LBR: variants seen among roughly 807,000 people sequenced by gnomAD.
The protein encoded by LBR is delta(14)-sterol reductase LBR.
Under a neutral mutation model 74.3 loss-of-function variants are expected in LBR, and 28 were observed. That is an observed-to-expected ratio of 0.38 (90% CI 0.28 to 0.52). LBR has a LOEUF of 0.52. Among genes scored for constraint, LBR ranks in the 20% least tolerant of loss-of-function variants. The pLI is 0.89. For synonymous variants in LBR, 228 were observed against 269.3 expected (o/e 0.85, Z 1.50); for missense variants, 717 against 760.3 (o/e 0.94, Z 0.67).
In LBR at chr1:225,410,276, C is replaced by T. The variant is rs1223055069; in HGVS notation, c.1314+15G>A. 4 of 1,613,882 alleles carry T rather than the reference C, an allele frequency of 2.5e-6. No individual in the cohort carries two copies. The highest frequency in any genetic ancestry group is 3.4e-6 in the Non-Finnish European group (4 of 1,179,902). On this transcript the variant is annotated intron_variant, in intron 10 of 13. Coordinates refer to ENST00000272163, the MANE Select transcript of LBR (RefSeq NM_002296.4). ...GCCATCTGACTCCAAGGCCTCGGCT[C>T]TTAAAATTAATTACCTCATTCCAGA... is the stretch of plus-strand genomic sequence containing the variant.
At chr1:225,407,400 G>A (rs1227705600) in intron 10 of LBR, among the ~76,000 whole-genome samples, 1 of 152,200 alleles carries the variant, frequency 6.6e-6, no homozygotes, top group Non-Finnish European at 1.5e-5. Flanking sequence ...AATTCCACAT[G>A]GACCAATCTA....
At chr1:225,417,635 C>T in intron 6 of LBR, 1 of 214,058 alleles carries the variant, frequency 4.7e-6, no homozygotes, top group Non-Finnish European at 9.5e-6. Flanking sequence ...TAGCAACCTC[C>T]ACTGAGAGTC....
At position 225,419,805 on chromosome 1, in the gene LBR, T is replaced by A. The variant is rs144956313; in HGVS notation, c.367-7A>T. 3.2e-5 allele frequency: 51 copies of A among 1,571,308 alleles called. No homozygotes were observed. In the East Asian group the frequency reaches 1.1e-3, roughly 32 times the overall value. On this transcript the variant is annotated splice_polypyrimidine_tract_variant and splice_region_variant and intron_variant, in intron 3 of 13. Transcript: ENST00000272163. The stretch of plus-strand genomic sequence containing the variant: ...TGCTATTTCCAAATGGCTTCTAAAT[T>A]GAAGAATATAAACATTTAATCAAAA...
intron 2 of LBR, 119 bp from the exon 3 acceptor site, chr1:225,422,396 G>C (rs748408707): frequency 1.2e-6 from 1 of 810,394 alleles, no homozygotes; most frequent in East Asian, 2.7e-5. Flanking sequence ...AAATCAGCAC[G>C]GGAAATGTTA....
At chr1:225,416,819 T>C (rs1242186505) in intron 6 of LBR, among the ~76,000 whole-genome samples, 1 of 152,206 alleles carries the variant, frequency 6.6e-6, no homozygotes, top group African/African-American at 2.4e-5. Context: ...TTACGTTGTA[T>C]TAGGTATTAT....
chr1:225,403,965 C>T lies in LBR; in HGVS notation c.1687+439G>A, dbSNP rs1018835909. Among the ~76,000 whole-genome samples the T allele has an allele frequency of 2.7e-5, 4 of 150,424 alleles. No homozygotes were observed. The Admixed American group carries it at 2.7e-4, about 10-fold the overall frequency. On this transcript the variant is annotated intron_variant, in intron 13 of 13. Coordinates refer to ENST00000272163, the MANE Select transcript of LBR (RefSeq NM_002296.4). Reference sequence around the variant, plus strand: ...AGTACCTCCAGCTCCCCCTGACACCCCAGCTCCCCAAGCACCTCCAGCTCC... The same window carrying T: ...AGTACCTCCAGCTCCCCCTGACACCTCAGCTCCCCAAGCACCTCCAGCTCC...
chr1:225,421,840 C>T (rs902787046), intron 3 of LBR, among the ~76,000 whole-genome samples: 32 of 152,154 alleles, frequency 2.1e-4, no homozygotes, highest in Admixed American at 1.3e-3. Context: ...CAAATTTGAA[C>T]GCTGCTTTTT....
At position 225,412,659 on chromosome 1, in the gene LBR, A is replaced by G; in HGVS notation, c.893-14T>C. ...AAGCATAGAATCCTTTAAAAAAAAA[A>G]AAAAAAGGAAGTGGAAAATTAATAT... is the stretch of plus-strand genomic sequence containing the variant. On this transcript the variant is annotated splice_polypyrimidine_tract_variant and intron_variant, in intron 7 of 13. Coordinates refer to ENST00000272163, the MANE Select transcript of LBR (RefSeq NM_002296.4). 6.2e-7 allele frequency: 1 copy of G among 1,602,528 alleles called. No homozygotes were observed. The highest frequency in any genetic ancestry group is 8.5e-7 in the Non-Finnish European group (1 of 1,175,298).
In LBR at chr1:225,423,933, T is replaced by C; in HGVS notation, c.143A>G (p.Glu48Gly). The C allele has an allele frequency of 2.5e-6, 4 of 1,613,886 alleles. No homozygotes were observed. The highest frequency in any genetic ancestry group is 3.4e-6 in the Non-Finnish European group (4 of 1,179,742). The change falls in exon 2 of 14, where the codon GAA (glutamate) becomes GGA (glycine). Residue 48 changes from glutamate to glycine, a missense_variant. By Grantham distance (98) the Glu-to-Gly change is moderately conservative. Transcript: ENST00000272163. ...TACCTTAATATCATTCTCTTTCAAT[T>C]CAAGCTCTGTTCCATCTTTATACTT... ...TVKYKDGTEL[E>G]LKENDIKPLT...
intron 10 of LBR, among the ~76,000 whole-genome samples, chr1:225,409,326 G>C (rs1455533165): frequency 1.3e-5 from 2 of 152,166 alleles, no homozygotes; most frequent in Admixed American, 1.3e-4. Context: ...ATAACAAGGA[G>C]ATCATCGAAA....
At chr1:225,408,277 G>A (rs2096096630) in intron 10 of LBR, among the ~76,000 whole-genome samples, 2 of 152,134 alleles carry the variant, frequency 1.3e-5, no homozygotes, top group African/African-American at 2.4e-5. Flanking sequence ...TATAAGTGAG[G>A]ACACACGGTG....
At chr1:225,424,772 G>A (rs1268142286) in intron 1 of LBR, among the ~76,000 whole-genome samples, 1 of 152,112 alleles carries the variant, frequency 6.6e-6, no homozygotes, top group Non-Finnish European at 1.5e-5. Flanking sequence ...TTCAAAACAT[G>A]GCCCACAAGC....
chr1:225,411,653 G>A (rs1314138636), intron 8 of LBR, among the ~76,000 whole-genome samples: 1 of 152,228 alleles, frequency 6.6e-6, no homozygotes, highest in African/African-American at 2.4e-5. Context: ...GCCTTTGGGG[G>A]AGCCGGGGGC....
In LBR at chr1:225,403,444, A is replaced by G; in HGVS notation, c.1707T>C (p.Pro569=). Residue 569 remains proline, a synonymous_variant, in exon 14 of 14, where the codon CCT becomes CCC. Transcript: ENST00000272163. The stretch of plus-strand genomic sequence containing the variant: ...TGGTGAAATAAATTATGTAGAAATA[A>G]GGCAGAATGTGGTTAAAACCTGTGG... ...SLPCGFNHIL[P]YFYIIYFTML... is the part of the protein sequence containing the mutation. The G allele has an allele frequency of 6.2e-7, 1 of 1,611,934 alleles. No homozygotes were observed. Among genetic ancestry groups the G allele is most frequent in the Non-Finnish European group, 8.5e-7 (1 of 1,178,010 alleles).
intron 7 of LBR, among the ~76,000 whole-genome samples, chr1:225,414,870 A>G (rs1258757452): frequency 1.3e-5 from 2 of 152,234 alleles, no homozygotes; most frequent in Non-Finnish European, 2.9e-5. Flanking sequence ...GTTTGGGGGT[A>G]AGTTCTCCAG....
chr1:225,421,924 A>G (rs972997680), intron 3 of LBR, among the ~76,000 whole-genome samples, 153 bp downstream of exon 3: 1 of 152,254 alleles, frequency 6.6e-6, no homozygotes, highest in Non-Finnish European at 1.5e-5. Context: ...AAAACTTTCT[A>G]TTCCAAACAT....
chr1:225,426,572 T>C (rs1167259645), intron 1 of LBR, among the ~76,000 whole-genome samples: 3 of 152,244 alleles, frequency 2.0e-5, no homozygotes, highest in Non-Finnish European at 2.9e-5. Flanking sequence ...TATGTTACTG[T>C]TTGTGAACAC....
chr1:225,424,351 C>T (rs564925317), intron 1 of LBR, among the ~76,000 whole-genome samples: 1 of 152,340 alleles, frequency 6.6e-6, no homozygotes, highest in South Asian at 2.1e-4. Flanking sequence ...TACCCACCTA[C>T]CGTGATCACA....
In LBR at chr1:225,412,541, C is replaced by A; in HGVS notation, c.997G>T (p.Ala333Ser). 2 of 1,613,962 alleles carry A rather than the reference C, an allele frequency of 1.2e-6. No homozygotes were observed. The highest frequency in any genetic ancestry group is 1.7e-6 in the Non-Finnish European group (2 of 1,180,010). The stretch of plus-strand genomic sequence containing the variant: ...CTCAAGACCACACAAAAAACAGTGG[C>A]CGCAAGTGCAAACTGAAGAAAATGA... The part of the protein sequence containing the change: ...YSHFLQFALA[A>S]TVFCVVLSVY... Residue 333 changes from alanine (A) to serine (S), a missense_variant, in exon 8 of 14, where the codon GCC (alanine) becomes TCC (serine). Ala to Ser is a moderately conservative substitution (Grantham distance 99). Coordinates refer to ENST00000272163, the MANE Select transcript of LBR (RefSeq NM_002296.4).
Sources: gnomAD v4.1 joint callset for allele counts (sites outside exome capture counted in the v4.1 genomes callset) on GRCh38, gnomAD v4.1.1 for gene constraint, MANE v1.5 for transcripts, NCBI Gene and HGNC (gene_info 2026-07-23, HGNC 2026-07-21) for gene names.